DMD: variants seen among roughly 807,000 people sequenced by gnomAD.
DMD encodes the protein dystrophin.
Under a neutral mutation model 330.1 loss-of-function variants are expected in DMD, and 63 were observed. The observed-to-expected ratio is 0.19, with a 90% CI of 0.16 to 0.24. The LOEUF (loss-of-function observed/expected upper bound fraction) is 0.24. Among genes scored for constraint, DMD ranks in the 10% least tolerant of loss-of-function variants. DMD has a pLI of 1.00. For missense variants in DMD, 3,344 were observed against 2,684.1 expected (o/e 1.25, Z -5.43); for synonymous variants, 1,223 against 959.8 (o/e 1.27, Z -5.07).
At chrX:32,263,518 T>C (rs896637937) in intron 43 of DMD, among the ~76,000 whole-genome samples, 1 of 112,493 alleles carries the variant, frequency 8.9e-6, no homozygotes, top group Non-Finnish European at 1.9e-5. Context: ...TTTGTGAATG[T>C]ATTAAATGAT....
intron 45 of DMD, among the ~76,000 whole-genome samples, chrX:31,957,028 C>T (rs995490891): frequency 8.9e-6 from 1 of 111,789 alleles, no homozygotes; most frequent in African/African-American, 3.3e-5. Context: ...TGCATGGCAA[C>T]GTTTACATCT....
intron 18 of DMD, among the ~76,000 whole-genome samples, chrX:32,509,007 T>G (rs2044970917): frequency 9.2e-6 from 1 of 108,842 alleles, no homozygotes; most frequent in African/African-American, 3.4e-5. Context: ...AGACGAGGCT[T>G]CATGGTGTCA....
chrX:32,475,338 G>T (rs183621202), intron 21 of DMD, among the ~76,000 whole-genome samples: 3 of 110,891 alleles, frequency 2.7e-5, no homozygotes, highest in Non-Finnish European at 3.8e-5. Context: ...GGCTGTGCAG[G>T]CTCCTTTTTG....
intron 50 of DMD, among the ~76,000 whole-genome samples, chrX:31,790,756 A>T (rs1436921224): frequency 1.8e-5 from 2 of 111,325 alleles, no homozygotes; most frequent in Non-Finnish European, 3.8e-5. Flanking sequence ...TCCCAGGTTT[A>T]TTAATTCCCA....
At chrX:31,403,339 C>T (rs749508232) in intron 60 of DMD, among the ~76,000 whole-genome samples, 1 of 111,708 alleles carries the variant, frequency 9.0e-6, no homozygotes, top group African/African-American at 3.2e-5. Flanking sequence ...TGTTTCTAGA[C>T]TATGTGATTC....
At chrX:33,321,881 G>A (rs1283069737) in intron 1 of DMD, among the ~76,000 whole-genome samples, 1 of 111,925 alleles carries the variant, frequency 8.9e-6, no homozygotes, top group Non-Finnish European at 1.9e-5. Context: ...TATGTTTGGA[G>A]GTGGCTTCTT....
chrX:32,613,451 G>A (rs2057328322), intron 12 of DMD, among the ~76,000 whole-genome samples: 1 of 110,491 alleles, frequency 9.1e-6, no homozygotes, highest in African/African-American at 3.3e-5. Flanking sequence ...AAAAAAAAAT[G>A]CTTTCTGGCA....
At chrX:32,634,634 G>A (rs778512475) in intron 11 of DMD, among the ~76,000 whole-genome samples, 1 of 111,967 alleles carries the variant, frequency 8.9e-6, no homozygotes, top group East Asian at 2.8e-4. Context: ...AATGTTATCT[G>A]TGAGCTAGGG....
At chrX:31,263,049 C>A (rs982555156) in intron 62 of DMD, among the ~76,000 whole-genome samples, 5 of 112,530 alleles carry the variant, frequency 4.4e-5, no homozygotes, top group African/African-American at 1.6e-4. Context: ...CACATGTGTG[C>A]CCACATGTAC....
intron 56 of DMD, among the ~76,000 whole-genome samples, chrX:31,505,626 TC>T: frequency 9.0e-6 from 1 of 110,951 alleles, no homozygotes; most frequent in Admixed American, 9.6e-5. Context: ...GATTTCTTTT[TC>T]TTTTACTTTT....
chrX:32,728,033 A>G (rs1248091980), intron 7 of DMD, among the ~76,000 whole-genome samples: 1 of 111,707 alleles, frequency 9.0e-6, no homozygotes, highest in Non-Finnish European at 1.9e-5. Context: ...TCTATCAATC[A>G]ATATTTTCAG....
chrX:32,910,136 A>G (rs144585780), intron 2 of DMD, among the ~76,000 whole-genome samples: 170 of 111,858 alleles, frequency 1.5e-3, no homozygotes, highest in African/African-American at 5.3e-3. Context: ...ACACACACAC[A>G]CGCGGCACAA....
chrX:33,237,049 A>G (rs188661255), intron 1 of DMD, among the ~76,000 whole-genome samples: 167 of 111,403 alleles, frequency 1.5e-3, no homozygotes, highest in African/African-American at 5.2e-3. Context: ...AGACTATGTC[A>G]GCCCCATTAC....
chrX:33,123,193 C>T (rs148260518), intron 1 of DMD, among the ~76,000 whole-genome samples: 3,286 of 111,610 alleles, frequency 0.029, 130 homozygotes, highest in African/African-American at 0.1. Context: ...CGCTATACCA[C>T]GTAGGTTAGT....
At chrX:31,731,795 G>C (rs186301294) in intron 51 of DMD, among the ~76,000 whole-genome samples, 133 of 110,991 alleles carry the variant, frequency 1.2e-3, no homozygotes, top group Non-Finnish European at 1.7e-3. Flanking sequence ...TTGCTTCTCA[G>C]TTTTAGATAC....
At chrX:31,243,590 C>T (rs1444628441) in intron 63 of DMD, among the ~76,000 whole-genome samples, 1 of 112,507 alleles carries the variant, frequency 8.9e-6, no homozygotes, top group Admixed American at 9.4e-5. Context: ...CATTTGTGGT[C>T]ACTAGAAATA....
At chrX:32,082,792 T>A (rs1393790438) in intron 44 of DMD, among the ~76,000 whole-genome samples, 1 of 111,824 alleles carries the variant, frequency 8.9e-6, no homozygotes, top group South Asian at 3.7e-4. Context: ...ATTGAAGACC[T>A]AAAGGATAAA....
chrX:32,638,549 T>A (rs1163082282), intron 11 of DMD, among the ~76,000 whole-genome samples: 3 of 111,931 alleles, frequency 2.7e-5, no homozygotes, highest in Non-Finnish European at 5.6e-5. Context: ...CAGGTGACGC[T>A]GATGCTACTG....
At chrX:33,276,078 C>T (rs143782286) in intron 1 of DMD, among the ~76,000 whole-genome samples, 1,222 of 111,659 alleles carry the variant, frequency 0.011, 20 homozygotes, top group African/African-American at 0.038. Flanking sequence ...AGTATTCCAT[C>T]TAATAAAGAT....
Sources: allele counts gnomAD v4.1 joint callset (sites outside exome capture counted in the v4.1 genomes callset), GRCh38; gene constraint gnomAD v4.1.1; transcripts MANE v1.5; gene names NCBI Gene and HGNC (gene_info 2026-07-23, HGNC 2026-07-21).